TMEFF2: variants seen among roughly 807,000 people sequenced by gnomAD.
The protein encoded by TMEFF2 is tomoregulin-2.
A neutral mutation model predicts 53.8 loss-of-function variants in TMEFF2; 28 were observed. The ratio of observed to expected loss-of-function variants is 0.52; its 90% CI spans 0.39 to 0.71. The LOEUF (loss-of-function observed/expected upper bound fraction) is 0.71. TMEFF2 is among the 30% of genes least tolerant of loss of function. TMEFF2 has a pLI of 0.00. For missense variants in TMEFF2, 353 were observed against 455.2 expected, an observed-to-expected ratio of 0.78 and a Z score of 2.04; for synonymous variants, 162 against 166.3, an observed-to-expected ratio of 0.97 and a Z score of 0.20.
intron 4 of TMEFF2, among the ~76,000 whole-genome samples, chr2:192,097,384 A>T (rs768590358): frequency 3.3e-4 from 50 of 152,248 alleles, no homozygotes; most frequent in Admixed American, 6.5e-4. Flanking sequence ...CAAAGAGCAT[A>T]TATTCCTTAA....
At chr2:192,120,922 G>A (rs916314387) in intron 4 of TMEFF2, among the ~76,000 whole-genome samples, 1 of 151,914 alleles carries the variant, frequency 6.6e-6, no homozygotes, top group Admixed American at 6.6e-5. Context: ...TTTTAGTAGA[G>A]ACGGGGTTTC....
At position 192,023,249 on chromosome 2, in the gene TMEFF2, C is replaced by T. The variant is rs1197713883; in HGVS notation, c.537-24041G>A. ...CTCTAAGACATGAATAGATTGAGTACACACAAATCTATAATCATGGATATT... is the reference window on the plus strand; with the variant it reads ...CTCTAAGACATGAATAGATTGAGTATACACAAATCTATAATCATGGATATT... On this transcript the variant is annotated intron_variant, in intron 5 of 9. Transcript: ENST00000272771. 8.5e-5 allele frequency among the ~76,000 whole-genome samples: 13 copies of T among 152,242 alleles called. No individual in the cohort carries two copies. The East Asian group carries it at 2.1e-3, about 25-fold the overall frequency.
At chr2:192,036,546 TC>T (rs1461216627) in intron 5 of TMEFF2, 1 of 152,164 alleles carries the variant, frequency 6.6e-6, no homozygotes, top group Non-Finnish European at 1.5e-5. Context: ...TGAATAAATA[TC>T]TGGAATAAAC....
At chr2:191,954,423 G>T (rs1242231372) in intron 8 of TMEFF2, among the ~76,000 whole-genome samples, 1 of 152,058 alleles carries the variant, frequency 6.6e-6, no homozygotes, top group Non-Finnish European at 1.5e-5. Context: ...AATATAGAGA[G>T]ATAATACATG....
intron 4 of TMEFF2, among the ~76,000 whole-genome samples, chr2:192,061,121 T>G (rs1163245517): frequency 6.6e-6 from 1 of 152,202 alleles, no homozygotes; most frequent in Non-Finnish European, 1.5e-5. Context: ...CATGATGATG[T>G]GCCTGCTGAA....
At chr2:192,166,459 C>T (rs1459337785) in intron 4 of TMEFF2, among the ~76,000 whole-genome samples, 1 of 152,122 alleles carries the variant, frequency 6.6e-6, no homozygotes, top group Non-Finnish European at 1.5e-5. Flanking sequence ...CAATGTATTA[C>T]ATTCCTGTAG....
intron 5 of TMEFF2, among the ~76,000 whole-genome samples, chr2:192,012,821 C>A (rs1311569903): frequency 6.6e-6 from 1 of 151,730 alleles, no homozygotes; most frequent in Admixed American, 6.6e-5. Flanking sequence ...GGAAAAATTA[C>A]CAGTATATAA....
chr2:192,117,466 G>A (rs1197599666), intron 4 of TMEFF2, among the ~76,000 whole-genome samples: 1 of 152,050 alleles, frequency 6.6e-6, no homozygotes, highest in African/African-American at 2.4e-5. Flanking sequence ...GAACACTGGG[G>A]AAAGGAAAAA....
chr2:192,116,278 C>A (rs891680655), intron 4 of TMEFF2, among the ~76,000 whole-genome samples: 1 of 151,884 alleles, frequency 6.6e-6, no homozygotes, highest in Non-Finnish European at 1.5e-5. Flanking sequence ...TCTAAAGAGT[C>A]AAACTCATGG....
At chr2:192,150,570 A>T (rs757067412) in intron 4 of TMEFF2, among the ~76,000 whole-genome samples, 9 of 151,650 alleles carry the variant, frequency 5.9e-5, no homozygotes, top group Non-Finnish European at 7.4e-5. Flanking sequence ...ACTACATCCT[A>T]TGTTCTTTAT....
chr2:192,067,254 T>G (rs1216914668), intron 4 of TMEFF2, among the ~76,000 whole-genome samples: 1 of 151,686 alleles, frequency 6.6e-6, no homozygotes, highest in African/African-American at 2.4e-5. Flanking sequence ...AAGGGGATAA[T>G]TACAGGAGCA....
chr2:191,951,797 A>G (rs984414513), intron 9 of TMEFF2, among the ~76,000 whole-genome samples: 1 of 152,234 alleles, frequency 6.6e-6, no homozygotes, highest in Non-Finnish European at 1.5e-5. Context: ...GATTTGTAAA[A>G]GGCATTACAA....
intron 4 of TMEFF2, among the ~76,000 whole-genome samples, chr2:192,129,995 AAAAC>A (rs1474057373): frequency 6.6e-6 from 1 of 152,236 alleles, no homozygotes; most frequent in African/African-American, 2.4e-5. Context: ...CCCTAAATAT[AAAAC>A]AAATAGATGC....
chr2:192,081,591 A>G (rs1398277759), intron 4 of TMEFF2, among the ~76,000 whole-genome samples: 1 of 152,142 alleles, frequency 6.6e-6, no homozygotes, highest in East Asian at 1.9e-4. Context: ...AGGGTGAGGG[A>G]TGATACAAAA....
intron 5 of TMEFF2, chr2:192,028,950 C>A (rs927406839): frequency 2.0e-5 from 3 of 152,050 alleles, no homozygotes; most frequent in Admixed American, 1.3e-4. Flanking sequence ...GAAAAAGACA[C>A]CAACAGAAGA....
At chr2:191,981,252 C>T (rs998869887) in intron 7 of TMEFF2, among the ~76,000 whole-genome samples, 2 of 152,166 alleles carry the variant, frequency 1.3e-5, no homozygotes, top group Non-Finnish European at 2.9e-5. Context: ...ATGCTTTAGC[C>T]ATGAAACTAT....
chr2:191,975,588 G>C, intron 7 of TMEFF2, among the ~76,000 whole-genome samples: 1 of 151,858 alleles, frequency 6.6e-6, no homozygotes, highest in South Asian at 2.1e-4. Context: ...GCCTTTGGAG[G>C]TCAGAACTTC....
Position 192,194,272 on chromosome 2 carries a change from C to G in TMEFF2, c.172+81G>C, listed in dbSNP as rs1239313329. ...TAGGAGGTGAGGGGCTGAGGAGGCG[C>G]GCTAGGGTAGGCTGGTCTGTGCTGG... On this transcript the variant is annotated intron_variant, in intron 1 of 9. Transcript: ENST00000272771. This position sits in a 1 kb window ranked among gnomAD's most constrained non-coding sequence, Gnocchi z 4.2. 1.3e-6 allele frequency: 2 copies of G among 1,542,284 alleles called. No individual in the cohort carries two copies. Among genetic ancestry groups the G allele is most frequent in the Non-Finnish European group, 1.8e-6 (2 of 1,129,658 alleles).
intron 4 of TMEFF2, among the ~76,000 whole-genome samples, chr2:192,149,353 G>A (rs760947325): frequency 3.3e-5 from 5 of 151,908 alleles, no homozygotes; most frequent in South Asian, 2.1e-4. Flanking sequence ...AAATATGTAC[G>A]AGTGGGTGTG....
Sources: gnomAD v4.1 joint callset for allele counts (sites outside exome capture counted in the v4.1 genomes callset) on GRCh38, gnomAD v4.1.1 for gene constraint, Gnocchi (gnomAD v3.1) non-coding constraint, MANE v1.5 for transcripts, NCBI Gene and HGNC (gene_info 2026-07-23, HGNC 2026-07-21) for gene names.